Variants in TBC1D22B observed in about 807,000 individuals in gnomAD.
TBC1D22B encodes the protein chromosome 6 open reading frame 197.
A neutral mutation model predicts 69.1 loss-of-function variants in TBC1D22B; 32 were observed. The observed-to-expected ratio is 0.46, with a 90% confidence interval of 0.35 to 0.62. The LOEUF (loss-of-function observed/expected upper bound fraction) is 0.62. Ranked by LOEUF, TBC1D22B falls within the 20% of genes least tolerant of loss-of-function variation. The pLI is 0.00. For synonymous variants in TBC1D22B, 206 were observed against 229.8 expected, an observed-to-expected ratio of 0.90 and a Z score of 0.94; for missense variants, 462 against 630.9, an observed-to-expected ratio of 0.73 and a Z score of 2.87.
At chr6:37,286,634 A>T (rs1767015419) in intron 6 of TBC1D22B, among the ~76,000 whole-genome samples, 1 of 2,594 alleles carries the variant, frequency 3.9e-4, no homozygotes, top group Non-Finnish European at 9.5e-4. Flanking sequence ...CCATTTCTTT[A>T]AAAAAAAATT....
At chr6:37,281,998 C>T (rs1766846936) in intron 3 of TBC1D22B, among the ~76,000 whole-genome samples, 187 bp from the exon 4 acceptor site, 1 of 152,190 alleles carries the variant, frequency 6.6e-6, no homozygotes, top group South Asian at 2.1e-4. Context: ...AGCCCTTTCT[C>T]TGGGCAGTGA....
chr6:37,268,459 G>C (rs1766374744), intron 1 of TBC1D22B, among the ~76,000 whole-genome samples: 1 of 152,046 alleles, frequency 6.6e-6, no homozygotes, highest in East Asian at 1.9e-4. Context: ...GAACTCCTAG[G>C]CTCAAGCAGT....
chr6:37,289,379 T>C (rs1173261251), intron 7 of TBC1D22B, among the ~76,000 whole-genome samples: 1 of 152,238 alleles, frequency 6.6e-6, no homozygotes. Flanking sequence ...AAGGCAGGAT[T>C]ATCCCAGACT....
At chr6:37,330,537 A>G (rs913260138) in intron 12 of TBC1D22B, among the ~76,000 whole-genome samples, 1 of 152,046 alleles carries the variant, frequency 6.6e-6, no homozygotes, top group African/African-American at 2.4e-5. Context: ...CGCCTGGCCT[A>G]TATTTTAACT....
chr6:37,271,497 A>G (rs1766481000), intron 2 of TBC1D22B, among the ~76,000 whole-genome samples: 1 of 152,192 alleles, frequency 6.6e-6, no homozygotes, highest in Non-Finnish European at 1.5e-5. Context: ...GATGTTCATA[A>G]TGGAGAGGCT....
intron 7 of TBC1D22B, among the ~76,000 whole-genome samples, chr6:37,288,678 G>C (rs1239750307): frequency 6.6e-6 from 1 of 150,772 alleles, no homozygotes; most frequent in African/African-American, 2.4e-5. Flanking sequence ...GGTGGTCAAA[G>C]CTGCAATGAG....
At chr6:37,282,079 C>A in intron 3 of TBC1D22B, 106 bp from the exon 4 acceptor site, 1 of 1,323,232 alleles carries the variant, frequency 7.6e-7, no homozygotes, top group Non-Finnish European at 1.1e-6. Flanking sequence ...ACACAGGCAG[C>A]CACACCCTTG....
rs187866215 is a variant in TBC1D22B at position 37,276,113 on chromosome 6, C to T, written c.114-3191C>T. Among the ~76,000 whole-genome samples the T allele has an allele frequency of 3.0e-3, 459 of 151,846 alleles. 5 individuals carry two copies. The highest frequency in any genetic ancestry group is 0.014 in the Middle Eastern group (4 of 294). ...CTGAGTAGCTGGGATTACAGGTGTGCACCACCACACCTGGCTAATTTTTGT... is the reference window on the plus strand; with the variant it reads ...CTGAGTAGCTGGGATTACAGGTGTGTACCACCACACCTGGCTAATTTTTGT... On this transcript the variant is annotated intron_variant, in intron 2 of 12. Coordinates refer to ENST00000373491, the MANE Select transcript of TBC1D22B (RefSeq NM_017772.4).
intron 1 of TBC1D22B, among the ~76,000 whole-genome samples, chr6:37,259,558 C>CT (rs144136639): frequency 0.012 from 1,781 of 152,254 alleles, 25 homozygotes; most frequent in African/African-American, 0.039. Flanking sequence ...TATTAACAAT[C>CT]TTTTTTTCCT....
At chr6:37,269,060 G>T (rs894518877) in intron 1 of TBC1D22B, among the ~76,000 whole-genome samples, 1 of 152,032 alleles carries the variant, frequency 6.6e-6, no homozygotes, top group African/African-American at 2.4e-5. Flanking sequence ...ATGCATATTT[G>T]GGAGTGAAAA....
chr6:37,277,747 C>T (rs753632665), intron 2 of TBC1D22B, among the ~76,000 whole-genome samples: 3 of 151,934 alleles, frequency 2.0e-5, no homozygotes, highest in East Asian at 3.9e-4. Flanking sequence ...GGATTACGGG[C>T]GTGAGCCACT....
chr6:37,271,612 A>C (rs548349948), intron 2 of TBC1D22B, among the ~76,000 whole-genome samples: 1 of 152,298 alleles, frequency 6.6e-6, no homozygotes, highest in South Asian at 2.1e-4. Context: ...GTGGTTTTTT[A>C]AAAAAGAGAA....
chr6:37,307,718 AC>A (rs1384157483), intron 8 of TBC1D22B, among the ~76,000 whole-genome samples: 1 of 152,140 alleles, frequency 6.6e-6, no homozygotes, highest in East Asian at 1.9e-4. Context: ...AACAACAAGG[AC>A]CCGAATCAGG....
At chr6:37,313,127 C>T in intron 9 of TBC1D22B, 103 bp downstream of exon 9, 1 of 826,784 alleles carries the variant, frequency 1.2e-6, no homozygotes, top group South Asian at 1.4e-5. Flanking sequence ...GGACCACCCA[C>T]CCACCCACTA....
intron 1 of TBC1D22B, among the ~76,000 whole-genome samples, chr6:37,264,147 G>A (rs1282807212): frequency 3.3e-5 from 5 of 151,898 alleles, no homozygotes; most frequent in Non-Finnish European, 5.9e-5. Flanking sequence ...TATTTACAGT[G>A]TGATGTTATT....
intron 1 of TBC1D22B, among the ~76,000 whole-genome samples, chr6:37,266,082 C>T (rs180767887): frequency 7.0e-4 from 106 of 152,312 alleles, no homozygotes; most frequent in African/African-American, 2.5e-3. Flanking sequence ...TTAGCATTAC[C>T]ACCCACCAGG....
intron 2 of TBC1D22B, among the ~76,000 whole-genome samples, chr6:37,271,905 G>A (rs1766498662): frequency 6.7e-6 from 1 of 149,170 alleles, no homozygotes; most frequent in African/African-American, 2.5e-5. Flanking sequence ...TTTCTTGAGA[G>A]CAGGGACTTT....
At position 37,269,748 on chromosome 6, in the gene TBC1D22B, G is replaced by A. The variant is rs1467352114; in HGVS notation, c.113+98G>A. On this transcript the variant is annotated intron_variant, in intron 2 of 12. Coordinates refer to ENST00000373491, the MANE Select transcript of TBC1D22B (RefSeq NM_017772.4). ...ACAGTTTCCACCTTGACATTTTTTA[G>A]CGTCTCTTCTGCCCTATTTTGGACC... 24 of 1,162,372 alleles carry A rather than the reference G, an allele frequency of 2.1e-5. No homozygotes were observed. The Admixed American group carries it at 3.9e-4, about 19-fold the overall frequency. 72.0% of individuals were successfully genotyped at this position (1,162,372 alleles called of 1,614,324 possible). A position where few individuals can be genotyped will look rare whatever the true frequency, so the allele number is the denominator to read the frequency against.
intron 9 of TBC1D22B, 132 bp from the exon 10 acceptor site, chr6:37,313,684 C>A: frequency 1.2e-6 from 1 of 848,694 alleles, no homozygotes; most frequent in Non-Finnish European, 2.0e-6. Flanking sequence ...TTCTTTGTTT[C>A]CCAGAACACT....
Sources: gnomAD v4.1 joint callset for allele counts (sites outside exome capture counted in the v4.1 genomes callset) on GRCh38, gnomAD v4.1.1 for gene constraint, MANE v1.5 for transcripts, NCBI Gene and HGNC (gene_info 2026-07-23, HGNC 2026-07-21) for gene names.